Variants in KCNK5 observed in about 807,000 individuals in gnomAD.
KCNK5 encodes the protein potassium two pore domain channel subfamily K member 5.
KCNK5 carries 18 observed loss-of-function variants against 32.9 expected under a neutral mutation model. The observed-to-expected ratio is 0.55, with a 90% CI of 0.38 to 0.81. The LOEUF is 0.81. Among genes scored for constraint, KCNK5 ranks in the 30% least tolerant of loss-of-function variants. The probability of loss-of-function intolerance (pLI) is 0.00; values close to 1 mark genes in which losing one functional copy is unlikely to be tolerated. For synonymous variants in KCNK5, 276 were observed against 275.3 expected (o/e 1.00, Z -0.03); for missense variants, 507 against 651.0 (o/e 0.78, Z 2.41).
At chr6:39,225,991 C>T (rs1771664895) in intron 1 of KCNK5, among the ~76,000 whole-genome samples, 1 of 152,236 alleles carries the variant, frequency 6.6e-6, no homozygotes, top group Non-Finnish European at 1.5e-5. Flanking sequence ...TTTTTATAGA[C>T]ATCTTGCCTA....
At chr6:39,227,598 C>T (rs374699545) in intron 1 of KCNK5, among the ~76,000 whole-genome samples, 110 of 152,308 alleles carry the variant, frequency 7.2e-4, no homozygotes, top group African/African-American at 2.5e-3. Context: ...TCCCCTTCTA[C>T]AGGACCCCTT....
intron 1 of KCNK5, among the ~76,000 whole-genome samples, chr6:39,210,716 A>G (rs985620027): frequency 1.3e-5 from 2 of 152,200 alleles, no homozygotes; most frequent in African/African-American, 4.8e-5. Flanking sequence ...GTTTAACAAG[A>G]GACAGGCAGG....
chr6:39,226,356 C>T (rs1771670532), intron 1 of KCNK5, among the ~76,000 whole-genome samples: 1 of 152,190 alleles, frequency 6.6e-6, no homozygotes, highest in African/African-American at 2.4e-5. Flanking sequence ...CAGCCTGCAC[C>T]TCACTTCAAC....
intron 1 of KCNK5, among the ~76,000 whole-genome samples, chr6:39,213,399 G>T (rs75074296): frequency 0.052 from 7,955 of 152,224 alleles, 311 homozygotes; most frequent in Middle Eastern, 0.12. Flanking sequence ...CAATATTAAC[G>T]GAGAGAACCA....
intron 1 of KCNK5, among the ~76,000 whole-genome samples, chr6:39,221,447 T>C (rs1377485463): frequency 6.6e-6 from 1 of 152,240 alleles, no homozygotes; most frequent in Non-Finnish European, 1.5e-5. Context: ...TCTGGTTTCC[T>C]GTCCAATGGG....
At position 39,190,925 on chromosome 6, in the gene KCNK5, C is replaced by A; in HGVS notation, c.1465G>T (p.Glu489Ter). ...LSVPYEQLMN[E>*]YNKANSPKGT ...TTGGGGCTGTTAGCCTTGTTGTACTCATTCATCAGCTGTTCGTAAGGCACA... is the reference window on the plus strand; with the variant it reads ...TTGGGGCTGTTAGCCTTGTTGTACTAATTCATCAGCTGTTCGTAAGGCACA... Residue 489 changes from glutamate to a stop codon, truncating the protein, a stop_gained, in exon 5 of 5, where the codon GAG (glutamate) becomes TAG (stop). Coordinates refer to ENST00000359534, the MANE Select transcript of KCNK5 (RefSeq NM_003740.4). LOFTEE classifies it high-confidence loss of function. 6.7e-7 allele frequency: 1 copy of A among 1,484,318 alleles called. No individual in the cohort carries two copies. The highest frequency in any genetic ancestry group is 2.4e-5 in the East Asian group (1 of 41,794). The allele number at this position is 1,484,318 out of a possible 1,614,324, so 91.9% of individuals were successfully genotyped here.
chr6:39,200,963 G>A (rs1180407418), intron 1 of KCNK5, among the ~76,000 whole-genome samples: 3 of 152,302 alleles, frequency 2.0e-5, no homozygotes, highest in Admixed American at 6.5e-5. Flanking sequence ...TCCCCTTTAC[G>A]GGGTGGGGTA....
intron 1 of KCNK5, among the ~76,000 whole-genome samples, chr6:39,214,055 C>T (rs1185764858): frequency 6.6e-6 from 1 of 152,068 alleles, no homozygotes; most frequent in Non-Finnish European, 1.5e-5. Flanking sequence ...CACAATAACC[C>T]CAACGGTGGG....
chr6:39,208,030 T>C (rs1369136377), intron 1 of KCNK5, among the ~76,000 whole-genome samples: 2 of 151,952 alleles, frequency 1.3e-5, no homozygotes, highest in African/African-American at 4.8e-5. Context: ...CCTAGCAAAT[T>C]CCCCAACCCA....
chr6:39,198,682 G>A (rs1771071512), intron 1 of KCNK5, among the ~76,000 whole-genome samples: 1 of 152,154 alleles, frequency 6.6e-6, no homozygotes, highest in Non-Finnish European at 1.5e-5. Context: ...TCAACTCCAG[G>A]TCTATCCAGG....
At chr6:39,223,713 C>A (rs1381863168) in intron 1 of KCNK5, among the ~76,000 whole-genome samples, 5 of 152,210 alleles carry the variant, frequency 3.3e-5, no homozygotes, top group African/African-American at 1.2e-4. Flanking sequence ...ACCAACCACA[C>A]ACACAGTTCA....
In KCNK5 at chr6:39,209,314, T is replaced by C. The variant is rs200018840; in HGVS notation, c.187-13327A>G. Among the ~76,000 whole-genome samples the C allele has an allele frequency of 4.4e-4, 67 of 152,260 alleles. No homozygotes were observed. In the East Asian group the frequency reaches 0.011, roughly 24 times the overall value. ...CCCTGACCATGCACTACCCCTGCCC[T>C]CACCATCCAGGTATGCCAGGAAGCA... is the stretch of plus-strand genomic sequence containing the variant. On this transcript the variant is annotated intron_variant, in intron 1 of 4. Coordinates refer to ENST00000359534, the MANE Select transcript of KCNK5 (RefSeq NM_003740.4).
At chr6:39,203,551 G>A (rs1335926469) in intron 1 of KCNK5, among the ~76,000 whole-genome samples, 1 of 152,170 alleles carries the variant, frequency 6.6e-6, no homozygotes, top group Non-Finnish European at 1.5e-5. Context: ...ATCACCCCTG[G>A]CAGCCGCCAG....
chr6:39,209,130 AAAGT>A (rs1404588135), intron 1 of KCNK5, among the ~76,000 whole-genome samples: 12 of 152,160 alleles, frequency 7.9e-5, no homozygotes, highest in Non-Finnish European at 1.8e-4. Context: ...GTATTACCCT[AAAGT>A]TCAGGCTCCC....
At chr6:39,215,914 G>C (rs903193376) in intron 1 of KCNK5, among the ~76,000 whole-genome samples, 1 of 152,228 alleles carries the variant, frequency 6.6e-6, no homozygotes, top group African/African-American at 2.4e-5. Context: ...GTCGTAGGGG[G>C]AGGGGCTGGG....
chr6:39,203,379 C>T (rs1479823170), intron 1 of KCNK5, among the ~76,000 whole-genome samples: 1 of 152,218 alleles, frequency 6.6e-6, no homozygotes, highest in Non-Finnish European at 1.5e-5. Flanking sequence ...GCCCAAGATG[C>T]CTCACCCCAT....
At chr6:39,224,567 T>C (rs536314257) in intron 1 of KCNK5, among the ~76,000 whole-genome samples, 38 of 152,184 alleles carry the variant, frequency 2.5e-4, no homozygotes, top group African/African-American at 8.7e-4. Context: ...GTCCAAAGGG[T>C]CCAGAAAATG....
intron 1 of KCNK5, among the ~76,000 whole-genome samples, chr6:39,212,409 C>T (rs1771358173): frequency 6.6e-6 from 1 of 152,236 alleles, no homozygotes; most frequent in African/African-American, 2.4e-5. Context: ...CAAGCACATC[C>T]TACCTGCAGC....
Position 39,214,402 on chromosome 6 carries a change from G to T in KCNK5, c.186+14524C>A, listed in dbSNP as rs374817616. Among the ~76,000 whole-genome samples the T allele has an allele frequency of 3.8e-3, 574 of 152,292 alleles. 10 individuals are homozygous for T. Among genetic ancestry groups the T allele is most frequent in the Middle Eastern group, 0.02 (6 of 294 alleles). On this transcript the variant is annotated intron_variant, in intron 1 of 4. Transcript: ENST00000359534. ...TCAGCACCAGCACATCTGCTGGCTTGGGGGAGAATCTGGCCCGGCAGGACA... is the reference window on the plus strand; with the variant it reads ...TCAGCACCAGCACATCTGCTGGCTTTGGGGAGAATCTGGCCCGGCAGGACA...
Sources: allele counts gnomAD v4.1 joint callset (sites outside exome capture counted in the v4.1 genomes callset), GRCh38; gene constraint gnomAD v4.1.1; transcripts MANE v1.5; gene names NCBI Gene and HGNC (gene_info 2026-07-23, HGNC 2026-07-21).